Variants in NRP2 observed in about 807,000 individuals in gnomAD.
NRP2 encodes neuropilin-2.
A neutral mutation model predicts 110.4 loss-of-function variants in NRP2; 52 were observed. The observed-to-expected ratio is 0.47, with a 90% CI of 0.38 to 0.59. The LOEUF (loss-of-function observed/expected upper bound fraction) is 0.59. NRP2 is among the 20% of genes least tolerant of loss of function. The pLI is 0.00. For missense variants in NRP2, 1,049 were observed against 1,203.0 expected, an observed-to-expected ratio of 0.87 and a Z score of 1.89; for synonymous variants, 508 against 468.9, an observed-to-expected ratio of 1.08 and a Z score of -1.08.
At chr2:205,722,387 A>G in intron 3 of NRP2, 91 bp from the exon 4 acceptor site, 1 of 1,057,388 alleles carries the variant, frequency 9.5e-7, no homozygotes, top group South Asian at 1.3e-5. Flanking sequence ...GAGCAGGGGG[A>G]TTTGGGGCCA....
In NRP2 at chr2:205,748,228, T is replaced by C. The variant is rs3771018; in HGVS notation, c.1787-1497T>C. Among the ~76,000 whole-genome samples, 104 of 152,286 alleles carry C rather than the reference T, an allele frequency of 6.8e-4. 3 individuals carry two copies. In the East Asian group the frequency reaches 0.02, roughly 29 times the overall value. ...TAGGTCACGTGGCTATGTTTGCTTT[T>C]CGAATTTCCATCTGTTTCTCACACT... On this transcript the variant is annotated intron_variant, in intron 10 of 16. Transcript: ENST00000357785.
intron 2 of NRP2, among the ~76,000 whole-genome samples, chr2:205,704,277 G>A (rs573751475): frequency 1.3e-5 from 2 of 152,330 alleles, no homozygotes; most frequent in African/African-American, 2.4e-5. Flanking sequence ...GCTGGTCTCC[G>A]TTGAAGTCTG....
chr2:205,782,878 AAAC>A (rs1425990258), intron 15 of NRP2, among the ~76,000 whole-genome samples: 1 of 151,740 alleles, frequency 6.6e-6, no homozygotes, highest in Non-Finnish European at 1.5e-5. Flanking sequence ...TTACTATTAT[AAAC>A]AATACTGCAA....
intron 7 of NRP2, 27 bp from the exon 8 acceptor site, chr2:205,740,492 A>C: frequency 6.2e-7 from 1 of 1,614,034 alleles, no homozygotes; most frequent in Non-Finnish European, 8.5e-7. Context: ...GGGTTTCAAT[A>C]ACATGGTTTT....
At chr2:205,792,172 C>T (rs2105975903) in intron 15 of NRP2, 63 bp from the exon 16 acceptor site, 1 of 1,139,156 alleles carries the variant, frequency 8.8e-7, no homozygotes, top group East Asian at 2.3e-5. Context: ...GATTGCCTCC[C>T]TGCCTTTTAG....
At chr2:205,793,563 C>T (rs1189371722) in intron 16 of NRP2, among the ~76,000 whole-genome samples, 2 of 152,122 alleles carry the variant, frequency 1.3e-5, no homozygotes, top group African/African-American at 4.8e-5. Context: ...GTAAGATCAA[C>T]ATGTGGACAG....
At position 205,758,373 on chromosome 2, in the gene NRP2, AT is replaced by A. The variant is rs78517889; in HGVS notation, c.2045-5298del. 8.7e-4 allele frequency among the ~76,000 whole-genome samples: 132 copies of A among 152,304 alleles called. 1 individual carries two copies. The East Asian group carries it at 0.024, about 27-fold the overall frequency. On this transcript the variant is annotated intron_variant, in intron 12 of 16. Coordinates refer to ENST00000357785, the MANE Select transcript of NRP2 (RefSeq NM_003872.3). The stretch of plus-strand genomic sequence containing the variant: ...GATAGCCAGGAGGATCAAGCTGGTG[AT>A]TTATTTCAGGGTTTGGTGAGGTGTA...
chr2:205,709,551 T>C (rs2056756653), intron 2 of NRP2, among the ~76,000 whole-genome samples: 1 of 152,214 alleles, frequency 6.6e-6, no homozygotes, highest in Non-Finnish European at 1.5e-5. Context: ...AATCACACCA[T>C]GAGCAAGTGC....
At chr2:205,769,374 T>C (rs2057980342) in intron 15 of NRP2, among the ~76,000 whole-genome samples, 1 of 152,202 alleles carries the variant, frequency 6.6e-6, no homozygotes, top group South Asian at 2.1e-4. Flanking sequence ...CCTGGAGTTA[T>C]TAGATGGTCG....
chr2:205,704,163 C>T (rs1255194557), intron 2 of NRP2, among the ~76,000 whole-genome samples: 1 of 152,214 alleles, frequency 6.6e-6, no homozygotes, highest in Non-Finnish European at 1.5e-5. Flanking sequence ...TCAGATTAAG[C>T]TCCTCTTGTC....
At chr2:205,714,642 G>A (rs893699984) in intron 2 of NRP2, among the ~76,000 whole-genome samples, 11 of 152,128 alleles carry the variant, frequency 7.2e-5, no homozygotes, top group African/African-American at 2.7e-4. Context: ...CAACCTCACG[G>A]TCTTCTCAAT....
intron 2 of NRP2, among the ~76,000 whole-genome samples, chr2:205,701,793 CT>C (rs2056563830): frequency 6.6e-6 from 1 of 152,126 alleles, no homozygotes; most frequent in Admixed American, 6.5e-5. Flanking sequence ...TAAAAGAGAA[CT>C]TTAAAGAGTT....
intron 8 of NRP2, 42 bp downstream of exon 8, chr2:205,740,705 C>T (rs1177753246): frequency 1.2e-6 from 2 of 1,610,850 alleles, no homozygotes; most frequent in Non-Finnish European, 1.7e-6. Flanking sequence ...CTGATTGAGC[C>T]CTAGGCTCTG....
chr2:205,702,814 C>T (rs1225059341), intron 2 of NRP2, among the ~76,000 whole-genome samples: 1 of 152,214 alleles, frequency 6.6e-6, no homozygotes, highest in Admixed American at 6.5e-5. Context: ...TCTGCATGAG[C>T]CCCCTGAGTT....
chr2:205,710,882 C>A (rs955708693), intron 2 of NRP2, among the ~76,000 whole-genome samples: 2 of 152,212 alleles, frequency 1.3e-5, no homozygotes, highest in East Asian at 1.9e-4. Context: ...AAATATGGAA[C>A]TTTGAAAGTG....
chr2:205,743,664 G>A, intron 9 of NRP2, 112 bp downstream of exon 9: 3 of 1,493,606 alleles, frequency 2.0e-6, no homozygotes, highest in Non-Finnish European at 2.7e-6. Context: ...TCCAACTCCT[G>A]AAATCCAATA....
intron 2 of NRP2, chr2:205,700,577 C>A: frequency 2.7e-6 from 1 of 371,712 alleles, no homozygotes. Context: ...TTATCCTGGG[C>A]TGTGGCCCCT....
intron 15 of NRP2, among the ~76,000 whole-genome samples, chr2:205,770,837 A>G (rs777113971): frequency 2.0e-5 from 3 of 152,086 alleles, no homozygotes; most frequent in Non-Finnish European, 2.9e-5. Context: ...TGGAGATCAG[A>G]TGTGTGAAGC....
At chr2:205,708,887 AGGCGCTT>A in intron 2 of NRP2, among the ~76,000 whole-genome samples, 1 of 152,356 alleles carries the variant, frequency 6.6e-6, no homozygotes, top group Non-Finnish European at 1.5e-5. Context: ...ACTATTAAAA[AGGCGCTT>A]GGTACTGATG....
Sources: allele counts gnomAD v4.1 joint callset (sites outside exome capture counted in the v4.1 genomes callset), GRCh38; gene constraint gnomAD v4.1.1; transcripts MANE v1.5; gene names NCBI Gene and HGNC (gene_info 2026-07-23, HGNC 2026-07-21).